Variants in PRKCZ observed in about 807,000 individuals in gnomAD.
The protein encoded by PRKCZ is protein kinase C zeta type.
PRKCZ carries 33 observed loss-of-function variants against 79.5 expected under a neutral mutation model. The observed-to-expected ratio is 0.41, with a 90% CI of 0.31 to 0.55. The LOEUF (loss-of-function observed/expected upper bound fraction) is 0.55, where lower values mean the gene tolerates loss of function less well. Ranked by LOEUF, PRKCZ falls within the 20% of genes least tolerant of loss-of-function variation. PRKCZ has a pLI of 0.19. For synonymous variants in PRKCZ, 342 were observed against 320.9 expected, an observed-to-expected ratio of 1.07 and a Z score of -0.70; for missense variants, 578 against 813.5, an observed-to-expected ratio of 0.71 and a Z score of 3.52.
At position 2,177,909 on chromosome 1, in the gene PRKCZ, C is replaced by T. The variant is rs915265177; in HGVS notation, c.1575+2596C>T. On this transcript the variant is annotated intron_variant, in intron 16 of 17. Coordinates refer to ENST00000378567, the MANE Select transcript of PRKCZ (RefSeq NM_002744.6). The surrounding 1 kb of genome is among the most constrained non-coding windows in gnomAD (Gnocchi z 6.4). ...CAGCCCTGCCTCTGCCACCGACCGC[C>T]GGCCCTGCCTCTGCCACCGACCGCC... 4.0e-5 allele frequency among the ~76,000 whole-genome samples: 6 copies of T among 150,538 alleles called. No individual in the cohort carries two copies. The highest frequency in any genetic ancestry group is 1.3e-4 in the African/African-American group (5 of 39,946).
At chr1:2,145,686 GGAA>G (rs1345826328) in intron 6 of PRKCZ, among the ~76,000 whole-genome samples, 1 of 152,140 alleles carries the variant, frequency 6.6e-6, no homozygotes, top group Non-Finnish European at 1.5e-5. Context: ...GGCCAAGGTG[GGAA>G]GATCACTTGA....
rs1318686452 is a variant in PRKCZ, at chr1:2,149,985, C to T, written c.688-805C>T. Among the ~76,000 whole-genome samples, 3 of 149,302 alleles carry T rather than the reference C, an allele frequency of 2.0e-5. No individual in the cohort carries two copies. Among genetic ancestry groups the T allele is most frequent in the African/African-American group, 2.5e-5 (1 of 40,420 alleles). On this transcript the variant is annotated intron_variant, in intron 8 of 17. Coordinates refer to ENST00000378567, the MANE Select transcript of PRKCZ (RefSeq NM_002744.6). The surrounding 1 kb of genome is among the most constrained non-coding windows in gnomAD (Gnocchi z 4.1). ...CATCCTGGCTAACACGGTGAAACCCCGTCTCTACTAAAAATACAAAAAAAA... is the reference window on the plus strand; with the variant it reads ...CATCCTGGCTAACACGGTGAAACCCTGTCTCTACTAAAAATACAAAAAAAA...
intron 4 of PRKCZ, among the ~76,000 whole-genome samples, chr1:2,116,543 T>C (rs75693362): frequency 6.6e-6 from 1 of 152,148 alleles, no homozygotes; most frequent in Non-Finnish European, 1.5e-5. Flanking sequence ...CCATGGATGG[T>C]GTCTTCTGAT....
At chr1:2,090,491 C>T (rs1665301898) in intron 4 of PRKCZ, among the ~76,000 whole-genome samples, 3 of 152,208 alleles carry the variant, frequency 2.0e-5, no homozygotes, top group South Asian at 2.1e-4. Context: ...GGATGCCCCC[C>T]AGCCCCCTCA....
intron 4 of PRKCZ, among the ~76,000 whole-genome samples, chr1:2,109,304 A>T (rs962500582): frequency 1.3e-5 from 2 of 152,150 alleles, no homozygotes; most frequent in Admixed American, 6.5e-5. Flanking sequence ...GGGCACCCAG[A>T]TGGAGGCACT....
At chr1:2,072,043 G>C (rs1661644877) in intron 4 of PRKCZ, among the ~76,000 whole-genome samples, 1 of 152,220 alleles carries the variant, frequency 6.6e-6, no homozygotes, top group Non-Finnish European at 1.5e-5. Context: ...TGCTGATTTG[G>C]AGCACTAGGC....
Position 2,172,288 on chromosome 1 carries a change from T to C in PRKCZ, c.1198-13T>C, listed in dbSNP as rs765116288. 3.7e-6 allele frequency: 6 copies of C among 1,613,388 alleles called. No homozygotes were observed. The highest frequency in any genetic ancestry group is 5.1e-6 in the Non-Finnish European group (6 of 1,180,008). On this transcript the variant is annotated splice_polypyrimidine_tract_variant and intron_variant, in intron 12 of 17. Transcript: ENST00000378567. This position sits in a 1 kb window ranked among gnomAD's most constrained non-coding sequence, Gnocchi z 7.8. ...TCTACAAGAACCCTCTCCCAGTAAC[T>C]TTGCCCCCACAGGAAGGCCTGGGCC...
chr1:2,074,189 C>T, intron 4 of PRKCZ: 1 of 1,550,130 alleles, frequency 6.5e-7, no homozygotes, highest in Middle Eastern at 1.7e-4. Context: ...TTGCGGGTGA[C>T]AGATTTTTAG....
At chr1:2,069,018 C>T (rs1661346405) in intron 4 of PRKCZ, among the ~76,000 whole-genome samples, 1 of 152,196 alleles carries the variant, frequency 6.6e-6, no homozygotes, top group Admixed American at 6.5e-5. Context: ...CAGTCACCAC[C>T]CTGCCGGCTG....
At chr1:2,073,953 T>G in intron 4 of PRKCZ, 2 of 1,364,452 alleles carry the variant, frequency 1.5e-6, no homozygotes, top group East Asian at 2.9e-5. Context: ...ATCTCCCCCG[T>G]GGATTTTCCG....
chr1:2,167,502 C>T lies in PRKCZ; in HGVS notation c.975-2016C>T, dbSNP rs183386160. Among the ~76,000 whole-genome samples, 43 of 152,232 alleles carry T rather than the reference C, an allele frequency of 2.8e-4. No homozygotes were observed. In the East Asian group the frequency reaches 6.2e-3, roughly 22 times the overall value. ...CTGTTGGGGTGAACGTGGCTCCTCT[C>T]GGGGGGACAGGTGGAAGGGACCAGC... On this transcript the variant is annotated intron_variant, in intron 10 of 17. Coordinates refer to ENST00000378567, the MANE Select transcript of PRKCZ (RefSeq NM_002744.6).
At chr1:2,162,774 T>G (rs1220574908) in intron 10 of PRKCZ, among the ~76,000 whole-genome samples, 5 of 152,010 alleles carry the variant, frequency 3.3e-5, no homozygotes, top group Non-Finnish European at 5.9e-5. Context: ...TTGTCTTGAG[T>G]GTTTCATCTC....
chr1:2,080,635 C>G (rs2102384978), intron 4 of PRKCZ, among the ~76,000 whole-genome samples: 1 of 152,316 alleles, frequency 6.6e-6, no homozygotes, highest in East Asian at 1.9e-4. Flanking sequence ...CCTGCTCCCT[C>G]CTGGTCAGCG....
intron 4 of PRKCZ, chr1:2,116,187 T>C (rs1051415734): frequency 1.3e-5 from 2 of 152,312 alleles, no homozygotes; most frequent in African/African-American, 4.8e-5. Context: ...GATGGCACAG[T>C]CACTCTGGGT....
chr1:2,056,608 G>T (rs779728496), intron 3 of PRKCZ, 35 bp downstream of exon 3: 1 of 1,581,642 alleles, frequency 6.3e-7, no homozygotes, highest in East Asian at 2.3e-5. Context: ...CAGCTCTGGG[G>T]GGCTGTTCCT....
At chr1:2,152,081 G>A (rs887752997) in intron 9 of PRKCZ, among the ~76,000 whole-genome samples, 3 of 152,002 alleles carry the variant, frequency 2.0e-5, no homozygotes, top group African/African-American at 7.3e-5. Context: ...GAATTCCTGC[G>A]CTCATGCACT....
chr1:2,056,853 C>G (rs750420753), intron 3 of PRKCZ, among the ~76,000 whole-genome samples: 1 of 151,678 alleles, frequency 6.6e-6, no homozygotes, highest in Non-Finnish European at 1.5e-5. Flanking sequence ...CTCAGCCTCC[C>G]GAGTAGCTGG....
intron 16 of PRKCZ, among the ~76,000 whole-genome samples, chr1:2,179,040 C>T (rs1403711151): frequency 6.6e-6 from 1 of 152,232 alleles, no homozygotes; most frequent in Non-Finnish European, 1.5e-5. Flanking sequence ...TGCTTTCCTC[C>T]TGGAGCCTGG....
At chr1:2,103,116 C>T (rs943183028) in intron 4 of PRKCZ, among the ~76,000 whole-genome samples, 2 of 152,162 alleles carry the variant, frequency 1.3e-5, no homozygotes, top group Non-Finnish European at 1.5e-5. Context: ...TCTCCCACTT[C>T]GCCCGCCCAA....
Sources: allele counts gnomAD v4.1 joint callset (sites outside exome capture counted in the v4.1 genomes callset), GRCh38; gene constraint gnomAD v4.1.1; non-coding constraint Gnocchi (gnomAD v3.1); transcripts MANE v1.5; gene names NCBI Gene and HGNC (gene_info 2026-07-23, HGNC 2026-07-21).